The following TASP1 variants were observed in gnomAD, a reference collection of about 807,000 sequenced individuals.
TASP1 encodes threonine aspartase 1.
In TASP1, 16 loss-of-function variants were observed where a neutral mutation model predicts 56.6. That is an observed-to-expected ratio of 0.28 (90% CI 0.19 to 0.43). The LOEUF is 0.43. Among genes scored for constraint, TASP1 ranks in the 20% least tolerant of loss-of-function variants. TASP1 has a pLI of 1.00. For missense variants in TASP1, 393 were observed against 511.6 expected (o/e 0.77, Z 2.24); for synonymous variants, 179 against 184.2 (o/e 0.97, Z 0.23).
chr20:13,240,517 A>G, the TASP1 span, among the ~76,000 whole-genome samples: 1 of 152,190 alleles, frequency 6.6e-6, no homozygotes, highest in Non-Finnish European at 1.5e-5. Flanking sequence ...TGACTAAGGG[A>G]TGGAAAAGAG....
chr20:13,325,505 T>C, the TASP1 span, among the ~76,000 whole-genome samples: 1 of 152,076 alleles, frequency 6.6e-6, no homozygotes, highest in African/African-American at 2.4e-5. Context: ...GGAAAGGTGA[T>C]AGGGGGATTA....
chr20:13,227,367 C>A, the TASP1 span, among the ~76,000 whole-genome samples: 34 of 151,504 alleles, frequency 2.2e-4, no homozygotes, highest in East Asian at 6.2e-3. Context: ...CCATGCCTAG[C>A]TATTTTTTTG....
chr20:13,128,355 T>C, the TASP1 span, among the ~76,000 whole-genome samples: 4 of 152,200 alleles, frequency 2.6e-5, no homozygotes, highest in African/African-American at 9.7e-5. Context: ...CCTGTAGATC[T>C]CAGTGGCTTA....
the TASP1 span, among the ~76,000 whole-genome samples, chr20:13,169,358 G>A: frequency 2.6e-5 from 4 of 152,122 alleles, no homozygotes; most frequent in Non-Finnish European, 5.9e-5. Context: ...CTAGAGAGCT[G>A]TCTGTTAAAC....
intron 10 of TASP1, among the ~76,000 whole-genome samples, chr20:13,499,922 A>G (rs1352989562): frequency 1.3e-5 from 2 of 152,278 alleles, no homozygotes; most frequent in East Asian, 1.9e-4. Context: ...AATGGGAGCT[A>G]TACAATGAGT....
chr20:13,403,544 A>C (rs1400858637), intron 13 of TASP1, among the ~76,000 whole-genome samples: 1 of 152,190 alleles, frequency 6.6e-6, no homozygotes, highest in Admixed American at 6.5e-5. Flanking sequence ...ATTCTATCAA[A>C]GCATCAATAG....
the TASP1 span, among the ~76,000 whole-genome samples, chr20:13,261,075 G>T: frequency 6.6e-6 from 1 of 152,164 alleles, no homozygotes; most frequent in Non-Finnish European, 1.5e-5. Context: ...AGGCACAAGT[G>T]CTTTTCAAGT....
chr20:13,134,889 G>C, the TASP1 span, among the ~76,000 whole-genome samples: 6 of 152,176 alleles, frequency 3.9e-5, no homozygotes, highest in Non-Finnish European at 7.3e-5. Flanking sequence ...CATCAACGCT[G>C]CCCTCTCAGT....
At chr20:13,502,899 A>G (rs2043997244) in intron 10 of TASP1, among the ~76,000 whole-genome samples, 1 of 152,196 alleles carries the variant, frequency 6.6e-6, no homozygotes, top group African/African-American at 2.4e-5. Flanking sequence ...GAGGATGGGT[A>G]AGAGGGATGA....
chr20:13,482,735 T>C (rs1391981801), intron 11 of TASP1, among the ~76,000 whole-genome samples: 1 of 152,194 alleles, frequency 6.6e-6, no homozygotes, highest in Admixed American at 6.5e-5. Context: ...CATATGCTAT[T>C]AAGCCGATGA....
At chr20:13,121,292 C>T in the TASP1 span, among the ~76,000 whole-genome samples, 2 of 152,104 alleles carry the variant, frequency 1.3e-5, no homozygotes, top group African/African-American at 4.8e-5. Flanking sequence ...TGGGACAGGG[C>T]AGACAAATTT....
At chr20:13,288,532 T>C in the TASP1 span, 2 of 1,613,126 alleles carry the variant, frequency 1.2e-6, no homozygotes, top group Non-Finnish European at 1.7e-6. Context: ...TCCCTGGCTG[T>C]CTTCCAGATT....
At chr20:13,259,540 G>T in the TASP1 span, among the ~76,000 whole-genome samples, 3 of 152,162 alleles carry the variant, frequency 2.0e-5, no homozygotes, top group Non-Finnish European at 4.4e-5. Flanking sequence ...AGAAAAGGAA[G>T]ATGCTAATGA....
chr20:13,529,102 A>C (rs2045109868), intron 9 of TASP1, among the ~76,000 whole-genome samples: 1 of 152,138 alleles, frequency 6.6e-6, no homozygotes, highest in African/African-American at 2.4e-5. Flanking sequence ...TCTGTACCAA[A>C]GGGCCCAATA....
chr20:13,227,571 C>T, the TASP1 span, among the ~76,000 whole-genome samples: 9,904 of 147,686 alleles, frequency 0.067, 460 homozygotes, highest in Middle Eastern at 0.14. Context: ...TGCAGTGGCG[C>T]GATCTTGGCT....
chr20:13,611,154 T>A (rs113537929), intron 4 of TASP1, among the ~76,000 whole-genome samples: 1 of 152,226 alleles, frequency 6.6e-6, no homozygotes, highest in Non-Finnish European at 1.5e-5. Flanking sequence ...ATTTTTCTTA[T>A]GTTTTCCATT....
At chr20:13,204,391 T>C in the TASP1 span, among the ~76,000 whole-genome samples, 37 of 152,294 alleles carry the variant, frequency 2.4e-4, no homozygotes, top group East Asian at 6.4e-3. Flanking sequence ...ACCTTTGTAA[T>C]AGAATTCTTC....
At chr20:13,573,221 T>C (rs944895299) in intron 6 of TASP1, among the ~76,000 whole-genome samples, 4 of 152,238 alleles carry the variant, frequency 2.6e-5, no homozygotes, top group African/African-American at 9.6e-5. Flanking sequence ...TTCTAACATA[T>C]ACAACTGTGT....
intron 11 of TASP1, among the ~76,000 whole-genome samples, chr20:13,466,499 C>A (rs907572118): frequency 3.2e-4 from 48 of 152,268 alleles, no homozygotes; most frequent in African/African-American, 9.1e-4. Context: ...GTAATCCCAG[C>A]ACTTTGGGAG....
Sources: gnomAD v4.1 joint callset for allele counts (sites outside exome capture counted in the v4.1 genomes callset) on GRCh38, gnomAD v4.1.1 for gene constraint, MANE v1.5 for transcripts, NCBI Gene and HGNC (gene_info 2026-07-23, HGNC 2026-07-21) for gene names.